Variants in MOK observed in about 807,000 individuals in gnomAD.
MOK encodes MAPK/MAK/MRK overlapping kinase.
Under a neutral mutation model 54.2 loss-of-function variants are expected in MOK, and 59 were observed. The observed-to-expected ratio is 1.09, with a 90% CI of 0.88 to 1.35. The LOEUF (loss-of-function observed/expected upper bound fraction) is 1.35, where lower values mean the gene tolerates loss of function less well. Ranked by LOEUF, MOK falls within the 40% of genes most tolerant of loss-of-function variation. The pLI is 0.00. For missense variants in MOK, 517 were observed against 526.2 expected (o/e 0.98, Z 0.17); for synonymous variants, 210 against 202.7 (o/e 1.04, Z -0.31).
At chr14:102,252,919 T>G (rs1310113750) in intron 4 of MOK, among the ~76,000 whole-genome samples, 3 of 152,232 alleles carry the variant, frequency 2.0e-5, no homozygotes, top group Non-Finnish European at 4.4e-5. Flanking sequence ...GAGATGGCAG[T>G]CTTAACTTTG....
rs2068222774 is a variant in MOK at position 102,269,963 on chromosome 14, C to G, written c.123-4051G>C. 1.3e-5 allele frequency among the ~76,000 whole-genome samples: 2 copies of G among 152,174 alleles called. 1 individual carries two copies. The highest frequency in any genetic ancestry group is 2.9e-5 in the Non-Finnish European group (2 of 68,034). ...ATTTACAGAACAGTATATTCAACAA[C>G]TGTATATAAAATATTCTTTTCAAGT... On this transcript the variant is annotated intron_variant, in intron 2 of 11. Coordinates refer to ENST00000361847, the MANE Select transcript of MOK (RefSeq NM_014226.3).
At chr14:102,288,799 G>T (rs927456849) in intron 1 of MOK, among the ~76,000 whole-genome samples, 13 of 152,328 alleles carry the variant, frequency 8.5e-5, no homozygotes, top group Admixed American at 7.8e-4. Context: ...GGCTGAAGGG[G>T]ACACCCATGA....
At chr14:102,258,222 T>TA (rs933989822) in intron 4 of MOK, among the ~76,000 whole-genome samples, 22 of 152,284 alleles carry the variant, frequency 1.4e-4, no homozygotes, top group African/African-American at 4.1e-4. Flanking sequence ...CCATTGAACT[T>TA]AGAGTAACGA....
At chr14:102,294,234 C>T (rs2071143701) in intron 1 of MOK, among the ~76,000 whole-genome samples, 1 of 151,464 alleles carries the variant, frequency 6.6e-6, no homozygotes. Flanking sequence ...ATCACGAGGT[C>T]AGGAGATCAA....
chr14:102,223,024 G>A (rs1290861808), downstream of MOK: 9 of 970,320 alleles, frequency 9.3e-6, no homozygotes, highest in South Asian at 2.9e-5. Context: ...GACGGTGACC[G>A]GCTCACTCTG....
intron 2 of MOK, among the ~76,000 whole-genome samples, chr14:102,271,366 T>C (rs1281270509): frequency 1.3e-5 from 2 of 152,140 alleles, no homozygotes; most frequent in Non-Finnish European, 2.9e-5. Flanking sequence ...CTACGAATGA[T>C]GTTATAATAA....
rs2066351978 is a variant in MOK, at chr14:102,249,369, CTT to C, written c.590+1441_590+1442del. Among the ~76,000 whole-genome samples the C allele has an allele frequency of 6.6e-6, 1 of 152,266 alleles. No individual in the cohort carries two copies. The highest frequency in any genetic ancestry group is 1.9e-4 in the East Asian group (1 of 5,186). The stretch of plus-strand genomic sequence containing the variant: ...TGTCAACAAATGAGTCCCAAGAAAC[CTT>C]TTGGTTTCCAGAGCTTTTATAGATT... On this transcript the variant is annotated intron_variant, in intron 7 of 11. Coordinates refer to ENST00000361847, the MANE Select transcript of MOK (RefSeq NM_014226.3). This position sits in a 1 kb window ranked among gnomAD's most constrained non-coding sequence, Gnocchi z 5.3.
At chr14:102,301,955 T>C (rs745520304) in intron 1 of MOK, among the ~76,000 whole-genome samples, 1 of 152,230 alleles carries the variant, frequency 6.6e-6, no homozygotes, top group Non-Finnish European at 1.5e-5. Context: ...TTTCACCACA[T>C]TGGCCAGGCT....
chr14:102,224,739 C>T (rs1429378817), downstream of MOK: 9 of 455,878 alleles, frequency 2.0e-5, no homozygotes, highest in Admixed American at 4.7e-5. Flanking sequence ...CTGCCCCACT[C>T]GAAGGCGCCA....
chr14:102,299,752 A>G (rs953302020), intron 1 of MOK, among the ~76,000 whole-genome samples: 10 of 151,946 alleles, frequency 6.6e-5, no homozygotes, highest in Non-Finnish European at 1.0e-4. Context: ...TGCTTGGCCA[A>G]TTTTTAAATT....
chr14:102,251,534 T>C (rs766930048), intron 6 of MOK: 3 of 626,656 alleles, frequency 4.8e-6, no homozygotes, highest in South Asian at 3.0e-5. Context: ...GGTGTGAAAA[T>C]GGTGCTTTCA....
At chr14:102,222,695 A>G (rs959352493), downstream of MOK, 146 of 829,090 alleles carry the variant, frequency 1.8e-4, no homozygotes, top group Middle Eastern at 4.5e-4. The surrounding 1 kb of genome is among the most constrained non-coding windows in gnomAD (Gnocchi z 4.4). Context: ...GATGAAGTGG[A>G]GGGTTTGCTC....
intron 1 of MOK, among the ~76,000 whole-genome samples, chr14:102,292,685 A>G (rs2070897697): frequency 6.6e-6 from 1 of 152,018 alleles, no homozygotes; most frequent in Non-Finnish European, 1.5e-5. Context: ...ATAAAGCCAT[A>G]AACCTCTTAA....
Position 102,229,381 on chromosome 14 carries a change from T to G in MOK, c.1183-15A>C. ...TGCGGATCTGTCTGTCAAAGAAAAA[T>G]TACAGACACAAAATTCAGTGGCGGC... is the stretch of plus-strand genomic sequence containing the variant. On this transcript the variant is annotated splice_polypyrimidine_tract_variant and intron_variant, in intron 11 of 11. Transcript: ENST00000361847. The G allele has an allele frequency of 6.2e-7, 1 of 1,614,104 alleles. No homozygotes were observed. The highest frequency in any genetic ancestry group is 8.5e-7 in the Non-Finnish European group (1 of 1,179,988).
At chr14:102,219,376 C>T in the MOK span, among the ~76,000 whole-genome samples, 1 of 152,244 alleles carries the variant, frequency 6.6e-6, no homozygotes, top group Non-Finnish European at 1.5e-5. Flanking sequence ...GGCGCCGAGG[C>T]CCCTTCCCTG....
downstream of MOK, among the ~76,000 whole-genome samples, chr14:102,219,623 C>T (rs72698551): frequency 1.9e-3 from 285 of 152,362 alleles, no homozygotes; most frequent in Admixed American, 9.6e-3. Context: ...GGGCGGGCTC[C>T]AGGGAGTCCC....
chr14:102,296,883 C>T (rs879573195), intron 1 of MOK, among the ~76,000 whole-genome samples: 2 of 151,830 alleles, frequency 1.3e-5, no homozygotes, highest in Non-Finnish European at 2.9e-5. Flanking sequence ...TATGGTGAAA[C>T]CCTGTCTCTA....
rs978760270 is a variant in MOK at position 102,302,630 on chromosome 14, T to C, written c.7+2332A>G. On this transcript the variant is annotated intron_variant, in intron 1 of 11. Transcript: ENST00000361847. ...CGGGGTTTCACCGTGTTAGCTGGGA[T>C]GGTATTGATCTCCTGAACTCGTGAT... 3.0e-4 allele frequency among the ~76,000 whole-genome samples: 46 copies of C among 151,404 alleles called. 1 individual carries two copies. Among genetic ancestry groups the C allele is most frequent in the Non-Finnish European group, 2.1e-4 (14 of 67,874 alleles).
Position 102,229,746 on chromosome 14 carries a change from T to A in MOK, c.982-89A>T, listed in dbSNP as rs2064496945. The A allele has an allele frequency of 4.3e-6, 5 of 1,173,382 alleles. No homozygotes were observed. The Admixed American group carries it at 1.3e-4, about 30-fold the overall frequency. The allele number at this position is 1,173,382 out of a possible 1,614,324, so 72.7% of individuals were successfully genotyped here. ...ACGAAAGAGGCTCTTTTGTACTGCT[T>A]TTGCCTAATACAATTTCTTGACCAT... On this transcript the variant is annotated intron_variant, in intron 10 of 11. Coordinates refer to ENST00000361847, the MANE Select transcript of MOK (RefSeq NM_014226.3).
Sources: gnomAD v4.1 joint callset for allele counts (sites outside exome capture counted in the v4.1 genomes callset) on GRCh38, gnomAD v4.1.1 for gene constraint, Gnocchi (gnomAD v3.1) non-coding constraint, MANE v1.5 for transcripts, NCBI Gene and HGNC (gene_info 2026-07-23, HGNC 2026-07-21) for gene names.